The following ATP11A variants were observed in gnomAD, a reference collection of about 807,000 sequenced individuals.
The protein encoded by ATP11A is ATPase phospholipid transporting 11A.
In ATP11A, 81 loss-of-function variants were observed where a neutral mutation model predicts 154.4. That is an observed-to-expected ratio of 0.52 (90% confidence interval 0.44 to 0.63). ATP11A has a LOEUF of 0.63. Ranked by LOEUF, ATP11A falls within the 30% of genes least tolerant of loss-of-function variation. The pLI is 0.00. For synonymous variants in ATP11A, 623 were observed against 585.9 expected (o/e 1.06, Z -0.91); for missense variants, 1,316 against 1,474.3 (o/e 0.89, Z 1.76).
At chr13:112,800,253 C>G (rs2078098915) in intron 2 of ATP11A, among the ~76,000 whole-genome samples, 1 of 151,192 alleles carries the variant, frequency 6.6e-6, no homozygotes, top group African/African-American at 2.4e-5. Context: ...AAACTTTAGC[C>G]AGGCTAAACA....
intron 17 of ATP11A, among the ~76,000 whole-genome samples, chr13:112,845,733 AG>A (rs1430121390): frequency 1.3e-4 from 10 of 74,968 alleles, no homozygotes; most frequent in African/African-American, 9.7e-4. Context: ...TCCAGTTACC[AG>A]GCACTAGCGG....
rs1181358755 is a variant in ATP11A, at chr13:112,856,042, G to T, written c.2375G>T (p.Ser792Ile). Reference sequence around the variant, plus strand: ...TTCCTGGAAATCTGCCGGAGCTGCAGCGCGGTGCTCTGCTGCCGCATGGCG... The same window carrying T: ...TTCCTGGAAATCTGCCGGAGCTGCATCGCGGTGCTCTGCTGCCGCATGGCG... ...ELFLEICRSC[S>I]AVLCCRMAPL... Residue 792 changes from serine (S) to isoleucine (I), a missense_variant, in exon 20 of 30, where the codon AGC becomes ATC. Around this residue, in one of 5 missense-constraint regions of ATP11A, gnomAD observed 876 missense variants for 1,006.8 expected, o/e 0.87. Coordinates refer to ENST00000375645, the MANE Select transcript of ATP11A (RefSeq NM_015205.3). 15 of 1,613,908 alleles carry T rather than the reference G, an allele frequency of 9.3e-6. No individual in the cohort carries two copies. Among genetic ancestry groups the T allele is most frequent in the Non-Finnish European group, 1.3e-5 (15 of 1,180,034 alleles).
At chr13:112,756,873 T>TCTGCTCCCAGCACGGGGC (rs1349733967) in intron 1 of ATP11A, among the ~76,000 whole-genome samples, 4 of 123,214 alleles carry the variant, frequency 3.2e-5, no homozygotes, top group African/African-American at 9.5e-5. Context: ...CAGCACGTGG[T>TCTGCTCCCAGCACGGGGC]CTGCTCCCAG....
intron 1 of ATP11A, among the ~76,000 whole-genome samples, chr13:112,730,737 A>C (rs1594454216): frequency 6.6e-6 from 1 of 152,192 alleles, no homozygotes; most frequent in African/African-American, 2.4e-5. Flanking sequence ...TGAGGTTTTT[A>C]GGCTTTCAGA....
chr13:112,795,138 G>A (rs1302525602), intron 2 of ATP11A, among the ~76,000 whole-genome samples: 1 of 151,852 alleles, frequency 6.6e-6, no homozygotes, highest in Non-Finnish European at 1.5e-5. Context: ...CCAGCTACTC[G>A]GGAGGCTGAG....
intron 2 of ATP11A, among the ~76,000 whole-genome samples, chr13:112,802,988 C>G (rs779347020): frequency 1.3e-5 from 2 of 152,160 alleles, no homozygotes; most frequent in Non-Finnish European, 2.9e-5. Context: ...CAGAGACTCT[C>G]TTCTGGAGCT....
At chr13:112,800,429 C>G (rs1253630018) in intron 2 of ATP11A, among the ~76,000 whole-genome samples, 1 of 152,146 alleles carries the variant, frequency 6.6e-6, no homozygotes, top group African/African-American at 2.4e-5. Context: ...AAAACGCTAT[C>G]TACCAAAACT....
At chr13:112,717,472 A>G (rs1468179004) in intron 1 of ATP11A, 2 of 152,174 alleles carry the variant, frequency 1.3e-5, no homozygotes, top group African/African-American at 2.4e-5. Context: ...ACAACTGAAC[A>G]TGATTTGGTT....
rs1376464431 is a variant in ATP11A, at chr13:112,834,487, C to CT, written c.1560-96dup. Reference sequence around the variant, plus strand: ...AATCTCTGTTTAACTGAAAGTATTTCTTTTTTGAAAAGAACGCTTTACCAA... The same window carrying CT: ...AATCTCTGTTTAACTGAAAGTATTTCTTTTTTTGAAAAGAACGCTTTACCAA... On this transcript the variant is annotated intron_variant, in intron 14 of 29. Coordinates refer to ENST00000375645, the MANE Select transcript of ATP11A (RefSeq NM_015205.3). 2.3e-5 allele frequency: 17 copies of CT among 755,324 alleles called. No individual in the cohort carries two copies. The Middle Eastern group carries it at 7.5e-4, about 33-fold the overall frequency. The allele number at this position is 755,324 out of a possible 1,614,324, so 46.8% of individuals were successfully genotyped here.
Position 112,858,034 on chromosome 13 carries a change from G to A in ATP11A, c.2522-111G>A, listed in dbSNP as rs890137070. Reference sequence around the variant, plus strand: ...AGGACACCCCCGTCACCACCCTCGTGTGTGACCGGGAAGGCTCATGATGAT... The same window carrying A: ...AGGACACCCCCGTCACCACCCTCGTATGTGACCGGGAAGGCTCATGATGAT... On this transcript the variant is annotated intron_variant, in intron 21 of 29. Transcript: ENST00000375645. 1.3e-4 allele frequency: 204 copies of A among 1,562,766 alleles called. 1 individual carries two copies. Among genetic ancestry groups the A allele is most frequent in the East Asian group, 1.8e-4 (8 of 44,346 alleles).
chr13:112,843,393 C>A (rs1205045748), intron 17 of ATP11A, among the ~76,000 whole-genome samples: 1 of 152,218 alleles, frequency 6.6e-6, no homozygotes, highest in Non-Finnish European at 1.5e-5. Flanking sequence ...GGTGTCTGCA[C>A]CCTTCTCCCG....
At chr13:112,865,984 G>C (rs566659461) in intron 25 of ATP11A, among the ~76,000 whole-genome samples, 1 of 152,382 alleles carries the variant, frequency 6.6e-6, no homozygotes, top group African/African-American at 2.4e-5. Context: ...GCCCGTGTTA[G>C]ATTTCCCCGA....
At chr13:112,858,599 T>C (rs1488970960) in intron 22 of ATP11A, 2 of 242,766 alleles carry the variant, frequency 8.2e-6, no homozygotes, top group Non-Finnish European at 1.6e-5. Flanking sequence ...CACGCCGTCC[T>C]GCTGTCTCCT....
chr13:112,785,063 G>T lies in ATP11A; in HGVS notation c.40-72G>T. The T allele has an allele frequency of 7.3e-7, 1 of 1,375,142 alleles. No individual in the cohort carries two copies. Among genetic ancestry groups the T allele is most frequent in the Non-Finnish European group, 9.5e-7 (1 of 1,055,098 alleles). The allele number at this position is 1,375,142 out of a possible 1,614,324, so 85.2% of individuals were successfully genotyped here. ...CTCCGTTCCGACGAACGTGCCTCAA[G>T]GCAACACTCTGGGCAAGAGCTTTTG... On this transcript the variant is annotated intron_variant, in intron 1 of 29. Coordinates refer to ENST00000375645, the MANE Select transcript of ATP11A (RefSeq NM_015205.3). This position sits in a 1 kb window ranked among gnomAD's most constrained non-coding sequence, Gnocchi z 4.8.
chr13:112,855,026 A>T (rs965144109), intron 19 of ATP11A, among the ~76,000 whole-genome samples: 1 of 152,184 alleles, frequency 6.6e-6, no homozygotes, highest in Non-Finnish European at 1.5e-5. Context: ...CTGGTGTTAG[A>T]TGCATTATCT....
chr13:112,864,166 G>A (rs1237766167), intron 25 of ATP11A, among the ~76,000 whole-genome samples: 4 of 108,832 alleles, frequency 3.7e-5, no homozygotes, highest in African/African-American at 6.8e-5. Flanking sequence ...CACCACCTGC[G>A]CAGTAATTCA....
intron 1 of ATP11A, among the ~76,000 whole-genome samples, chr13:112,778,920 G>A (rs62635338): frequency 9.3e-6 from 1 of 107,760 alleles, no homozygotes; most frequent in Admixed American, 9.1e-5. Flanking sequence ...GTGAGTAGCC[G>A]CTGGAGTGAG....
chr13:112,858,054 G>C, intron 21 of ATP11A, 91 bp from the exon 22 acceptor site: 3 of 1,579,726 alleles, frequency 1.9e-6, no homozygotes, highest in Non-Finnish European at 2.6e-6. Flanking sequence ...GAAGGCTCAT[G>C]ATGATGGTTT....
At chr13:112,811,766 A>C (rs551903213) in intron 5 of ATP11A, 1 of 152,116 alleles carries the variant, frequency 6.6e-6, no homozygotes, top group South Asian at 2.1e-4. Context: ...CACCACACCC[A>C]GCTAATTTTT....
Sources: gnomAD v4.1 joint callset for allele counts (sites outside exome capture counted in the v4.1 genomes callset) on GRCh38, gnomAD v4.1.1 for gene constraint, gnomAD v4.1.1 regional missense constraint, Gnocchi (gnomAD v3.1) non-coding constraint, MANE v1.5 for transcripts, NCBI Gene and HGNC (gene_info 2026-07-23, HGNC 2026-07-21) for gene names.